Variants in APLP2 observed in about 807,000 individuals in gnomAD.
The protein encoded by APLP2 is CDEI box-binding protein.
Under a neutral mutation model 89.9 loss-of-function variants are expected in APLP2, and 53 were observed. The observed-to-expected ratio is 0.59, with a 90% CI of 0.47 to 0.74. APLP2 has a LOEUF of 0.74. Ranked by LOEUF, APLP2 falls within the 30% of genes least tolerant of loss-of-function variation. The pLI, the probability that APLP2 is intolerant of heterozygous loss-of-function variation, is 0.00. For missense variants in APLP2, 973 were observed against 975.9 expected, an observed-to-expected ratio of 1.00 and a Z score of 0.04; for synonymous variants, 372 against 348.6, an observed-to-expected ratio of 1.07 and a Z score of -0.75.
chr11:130,082,510 CTGTGCT>C (rs1943351327), intron 1 of APLP2: 1 of 157,274 alleles, frequency 6.4e-6, no homozygotes, highest in East Asian at 1.8e-4. Context: ...TTTTCTGACT[CTGTGCT>C]TGTGCTTTTA....
At chr11:130,119,432 A>G (rs1378941492) in intron 3 of APLP2, among the ~76,000 whole-genome samples, 2 of 152,220 alleles carry the variant, frequency 1.3e-5, no homozygotes, top group Non-Finnish European at 2.9e-5. Flanking sequence ...AATTACAAAC[A>G]TGGCCAAACA....
chr11:130,078,419 A>T (rs1353477705), intron 1 of APLP2, among the ~76,000 whole-genome samples: 2 of 150,370 alleles, frequency 1.3e-5, no homozygotes, highest in Non-Finnish European at 1.5e-5. Context: ...TTGCCTTTTC[A>T]CTCTTAGTGA....
chr11:130,071,874 C>A (rs958179048), intron 1 of APLP2, among the ~76,000 whole-genome samples: 2 of 152,102 alleles, frequency 1.3e-5, no homozygotes, highest in Non-Finnish European at 2.9e-5. Flanking sequence ...GGCCTTTTGT[C>A]AAGCTATCAG....
At chr11:130,104,663 G>A (rs1465718484) in intron 1 of APLP2, among the ~76,000 whole-genome samples, 3 of 152,138 alleles carry the variant, frequency 2.0e-5, no homozygotes, top group Non-Finnish European at 4.4e-5. Context: ...ATCTTTAGGT[G>A]TTTTTTCCTT....
At chr11:130,109,699 C>CT in intron 2 of APLP2, 97 bp downstream of exon 2, 1 of 1,344,174 alleles carries the variant, frequency 7.4e-7, no homozygotes, top group Admixed American at 2.6e-5. Flanking sequence ...CTCTTTTGAC[C>CT]TAAGACCAAG....
At chr11:130,102,505 C>T (rs1036182599) in intron 1 of APLP2, among the ~76,000 whole-genome samples, 1 of 152,196 alleles carries the variant, frequency 6.6e-6, no homozygotes, top group African/African-American at 2.4e-5. Context: ...GGAAGATGCT[C>T]CCTCTATGGC....
intron 11 of APLP2, among the ~76,000 whole-genome samples, chr11:130,130,804 A>G (rs1320930058): frequency 6.6e-6 from 1 of 152,186 alleles, no homozygotes; most frequent in Non-Finnish European, 1.5e-5. Context: ...TGCTGTGCTG[A>G]TTGTGAGTGT....
At chr11:130,101,104 A>T (rs905665321) in intron 1 of APLP2, among the ~76,000 whole-genome samples, 1 of 151,470 alleles carries the variant, frequency 6.6e-6, no homozygotes, top group Non-Finnish European at 1.5e-5. Context: ...TAGTCTTCCA[A>T]TTGCAGAAAA....
At chr11:130,097,969 C>T (rs59917837) in intron 1 of APLP2, among the ~76,000 whole-genome samples, 7,789 of 152,210 alleles carry the variant, frequency 0.051, 536 homozygotes, top group East Asian at 0.24. Context: ...GTGTGCACAA[C>T]ACATGCACAC....
In APLP2 at chr11:130,140,262, A is replaced by G. The variant is rs1839679962; in HGVS notation, c.1838-136A>G. The G allele has an allele frequency of 5.3e-6, 3 of 567,816 alleles. No homozygotes were observed. The South Asian group carries it at 7.6e-5, about 14-fold the overall frequency. The allele number at this position is 567,816 out of a possible 1,614,324, so 35.2% of individuals were successfully genotyped here. A position where few individuals can be genotyped will look rare whatever the true frequency, so the allele number is the denominator to read the frequency against. On this transcript the variant is annotated intron_variant, in intron 13 of 16. Transcript: ENST00000338167. Reference sequence around the variant, plus strand: ...ACAGGGCACCCTCAGACTTGTGAACATGGTGGCAGATGAGTCGCGTGGGGA... The same window carrying G: ...ACAGGGCACCCTCAGACTTGTGAACGTGGTGGCAGATGAGTCGCGTGGGGA...
At chr11:130,070,404 G>A (rs1303849442) in intron 1 of APLP2, among the ~76,000 whole-genome samples, 2 of 151,182 alleles carry the variant, frequency 1.3e-5, no homozygotes, top group African/African-American at 4.8e-5. Flanking sequence ...GCCCCCGGGC[G>A]CCCGCCCCGC....
intron 1 of APLP2, among the ~76,000 whole-genome samples, chr11:130,070,343 A>T (rs59168429): frequency 3.3e-5 from 5 of 151,028 alleles, no homozygotes; most frequent in Non-Finnish European, 5.9e-5. Flanking sequence ...GCCTCGGCCG[A>T]CCCAGCCCCC....
Position 130,074,238 on chromosome 11 carries a change from T to G in APLP2, c.105+4156T>G, listed in dbSNP as rs998062952. Among the ~76,000 whole-genome samples, 70 of 152,178 alleles carry G rather than the reference T, an allele frequency of 4.6e-4. 4 individuals carry two copies. The highest frequency in any genetic ancestry group is 5.9e-5 in the Non-Finnish European group (4 of 68,030). ...GTTGTTTTGTTTTTCTTTTTTGAGT[T>G]GGAGTCTCACTCTGTCGCCCAGGCT... On this transcript the variant is annotated intron_variant, in intron 1 of 16. Coordinates refer to ENST00000338167, the MANE Select transcript of APLP2 (RefSeq NM_001142276.2).
chr11:130,132,582 A>G (rs1027396307), intron 11 of APLP2, among the ~76,000 whole-genome samples: 1 of 151,666 alleles, frequency 6.6e-6, no homozygotes, highest in African/African-American at 2.4e-5. Context: ...AAACTGTAAA[A>G]ATAGTGACCA....
intron 1 of APLP2, among the ~76,000 whole-genome samples, chr11:130,106,210 AT>A (rs1401425526): frequency 6.6e-6 from 1 of 152,186 alleles, no homozygotes; most frequent in East Asian, 1.9e-4. Context: ...TTTATGAATG[AT>A]GCCATCACAT....
intron 1 of APLP2, among the ~76,000 whole-genome samples, chr11:130,101,713 C>T (rs1295098288): frequency 6.6e-6 from 1 of 152,082 alleles, no homozygotes; most frequent in Non-Finnish European, 1.5e-5. Context: ...ACAAGAGTTC[C>T]CCTATACTGT....
Position 130,129,174 on chromosome 11 carries a change from T to C in APLP2, c.1423T>C (p.Tyr475His), listed in dbSNP as rs1950667839. 11 of 1,613,976 alleles carry C rather than the reference T, an allele frequency of 6.8e-6. No homozygotes were observed. The highest frequency in any genetic ancestry group is 9.3e-6 in the Non-Finnish European group (11 of 1,179,910). ...NDRRRMALENYLAALQSDPPR... is the reference protein window; with the variant it reads ...NDRRRMALENHLAALQSDPPR... ...CCGCCGTCGGATGGCTCTGGAGAAC[T>C]ACCTGGCTGCCTTGCAGTCTGACCC... Residue 475 changes from tyrosine to histidine, a missense_variant, in exon 10 of 17, where the codon TAC (tyrosine) becomes CAC (histidine). Physicochemically the swap from Tyr to His is moderately conservative, Grantham distance 83. Coordinates refer to ENST00000338167, the MANE Select transcript of APLP2 (RefSeq NM_001142276.2).
intron 1 of APLP2, among the ~76,000 whole-genome samples, chr11:130,075,721 G>A (rs1354982118): frequency 1.3e-5 from 2 of 152,210 alleles, no homozygotes; most frequent in African/African-American, 2.4e-5. Context: ...AGTAGAGGCC[G>A]AGGGTTGAAC....
Position 130,140,430 on chromosome 11 carries a change from A to T in APLP2, c.1870A>T (p.Ile624Phe). The T allele has an allele frequency of 6.2e-7, 1 of 1,611,566 alleles. No individual in the cohort carries two copies. Among genetic ancestry groups the T allele is most frequent in the Non-Finnish European group, 8.5e-7 (1 of 1,179,066 alleles). ...SGVGEQDGGL[I>F]GAEEKVINSK... ...AGTGGGAGAGCAGGATGGGGGACTG[A>T]TCGGTGCCGAAGAGAAAGTGATTAA... The change falls in exon 14 of 17, where the codon ATC becomes TTC. Residue 624 changes from isoleucine to phenylalanine, a missense_variant. By Grantham distance (21) the Ile-to-Phe change is conservative. Coordinates refer to ENST00000338167, the MANE Select transcript of APLP2 (RefSeq NM_001142276.2).
Sources: gnomAD v4.1 joint callset for allele counts (sites outside exome capture counted in the v4.1 genomes callset) on GRCh38, gnomAD v4.1.1 for gene constraint, MANE v1.5 for transcripts, NCBI Gene and HGNC (gene_info 2026-07-23, HGNC 2026-07-21) for gene names.